The following TRABD2B variants were observed in gnomAD, a reference collection of about 807,000 sequenced individuals.
The protein encoded by TRABD2B is metalloprotease TIKI2.
In TRABD2B, 14 loss-of-function variants were observed where a neutral mutation model predicts 40.1. The ratio of observed to expected loss-of-function variants is 0.35; its 90% CI spans 0.23 to 0.55. TRABD2B has a LOEUF of 0.55. Among genes scored for constraint, TRABD2B ranks in the 20% least tolerant of loss-of-function variants. The pLI is 0.90. For synonymous variants in TRABD2B, 263 were observed against 277.0 expected, an observed-to-expected ratio of 0.95 and a Z score of 0.50; for missense variants, 541 against 648.6, an observed-to-expected ratio of 0.83 and a Z score of 1.80.
At chr1:47,888,667 C>T (rs969957162) in intron 2 of TRABD2B, among the ~76,000 whole-genome samples, 3 of 152,160 alleles carry the variant, frequency 2.0e-5, no homozygotes, top group African/African-American at 7.2e-5. Flanking sequence ...AATTCAACTG[C>T]CTTCCCCTAG....
chr1:47,918,592 T>C (rs1644860392), intron 2 of TRABD2B, among the ~76,000 whole-genome samples: 1 of 152,174 alleles, frequency 6.6e-6, no homozygotes, highest in Non-Finnish European at 1.5e-5. Flanking sequence ...CCTCCTTCTC[T>C]TCCTTTCCTC....
chr1:47,985,491 C>T (rs1645907300), intron 2 of TRABD2B, among the ~76,000 whole-genome samples: 1 of 152,212 alleles, frequency 6.6e-6, no homozygotes, highest in African/African-American at 2.4e-5. Context: ...CCCAAGGAAA[C>T]CACCTTGTCT....
intron 2 of TRABD2B, among the ~76,000 whole-genome samples, chr1:47,934,818 T>A (rs1045659970): frequency 3.9e-5 from 6 of 152,122 alleles, no homozygotes; most frequent in African/African-American, 1.4e-4. Flanking sequence ...GGAATTCCCA[T>A]CAGAGCCCCA....
At chr1:47,773,419 T>A (rs888509753) in intron 6 of TRABD2B, among the ~76,000 whole-genome samples, 4 of 152,272 alleles carry the variant, frequency 2.6e-5, no homozygotes, top group Non-Finnish European at 2.9e-5. Context: ...GGTTAGGCTG[T>A]GTCTCCACCC....
intron 2 of TRABD2B, among the ~76,000 whole-genome samples, chr1:47,933,250 C>A (rs1645063488): frequency 6.6e-6 from 1 of 151,864 alleles, no homozygotes; most frequent in South Asian, 2.1e-4. Flanking sequence ...GGACTATAGG[C>A]ACCCGCCACC....
At chr1:47,885,065 T>C (rs1487990690) in intron 2 of TRABD2B, among the ~76,000 whole-genome samples, 1 of 152,126 alleles carries the variant, frequency 6.6e-6, no homozygotes, top group African/African-American at 2.4e-5. Context: ...AAGGATATCA[T>C]GGACCTGGTC....
chr1:47,766,095 G>A lies in TRABD2B; in HGVS notation c.1361C>T (p.Ser454Leu). The change falls in exon 7 of 7, where the codon TCA becomes TTA. Residue 454 changes from serine (S) to leucine (L), a missense_variant. Around this residue, in one of 2 missense-constraint regions of TRABD2B, gnomAD observed 172 missense variants for 155.8 expected, o/e 1.10. Transcript: ENST00000606738. ...GGGCTGCAGGGGCAGCGGGGGTGGT[G>A]AGGCGGTGGTGCTGGAAAGGAGGAA... is the stretch of plus-strand genomic sequence containing the variant. Reference protein sequence around the residue: ...WVRIEDSTTASPPPLPLQPTH... With the variant: ...WVRIEDSTTALPPPLPLQPTH... 1.4e-6 allele frequency: 1 copy of A among 701,668 alleles called. No individual in the cohort carries two copies. The highest frequency in any genetic ancestry group is 2.6e-6 in the Non-Finnish European group (1 of 384,386). 43.5% of individuals were successfully genotyped at this position (701,668 alleles called of 1,614,324 possible). A position where few individuals can be genotyped will look rare whatever the true frequency, so the allele number is the denominator to read the frequency against.
At chr1:47,801,801 A>C (rs369437086) in intron 2 of TRABD2B, among the ~76,000 whole-genome samples, 182 bp from the exon 3 acceptor site, 1 of 152,258 alleles carries the variant, frequency 6.6e-6, no homozygotes, top group African/African-American at 2.4e-5. Flanking sequence ...CATGTCTCTG[A>C]GCACGTTCAG....
At chr1:47,768,676 C>G (rs575653559) in intron 6 of TRABD2B, among the ~76,000 whole-genome samples, 2 of 152,294 alleles carry the variant, frequency 1.3e-5, no homozygotes, top group East Asian at 3.9e-4. Flanking sequence ...GCATGGGTTT[C>G]TATATGTAAC....
In TRABD2B at chr1:47,761,392, T is replaced by C. The variant is rs1644242433; in HGVS notation, c.*4510A>G. 1 of 152,318 alleles carries C rather than the reference T, an allele frequency of 6.6e-6. No individual in the cohort carries two copies. The allele number at this position is 152,318 out of a possible 1,614,324, so 9.4% of individuals were successfully genotyped here. On this transcript the variant is annotated 3_prime_UTR_variant, in exon 7 of 7. Coordinates refer to ENST00000606738, the MANE Select transcript of TRABD2B (RefSeq NM_001194986.2). The stretch of plus-strand genomic sequence containing the variant: ...CTCTGGGCTGGGCTGCAGGCCTGGG[T>C]TCCAGTTCACTCCTCCTCCACCTTT...
intron 2 of TRABD2B, among the ~76,000 whole-genome samples, chr1:47,903,077 G>T (rs1644624466): frequency 6.6e-6 from 1 of 152,084 alleles, no homozygotes; most frequent in Non-Finnish European, 1.5e-5. Flanking sequence ...TGTTCCCAAG[G>T]CTGAGTGAGA....
At chr1:47,982,454 G>A (rs1403173606) in intron 2 of TRABD2B, among the ~76,000 whole-genome samples, 1 of 152,120 alleles carries the variant, frequency 6.6e-6, no homozygotes, top group African/African-American at 2.4e-5. Context: ...GGAAACAGAT[G>A]TTCAGCCATC....
At chr1:47,945,756 G>A (rs61773507) in intron 2 of TRABD2B, among the ~76,000 whole-genome samples, 14,617 of 152,164 alleles carry the variant, frequency 0.096, 992 homozygotes, top group Middle Eastern at 0.18. Context: ...TTTTGTTGCT[G>A]AGCAGTATTT....
chr1:47,933,623 T>C (rs1250740716), intron 2 of TRABD2B, among the ~76,000 whole-genome samples: 1 of 152,242 alleles, frequency 6.6e-6, no homozygotes, highest in African/African-American at 2.4e-5. Flanking sequence ...GAACCTTCTC[T>C]GACTCCCTCT....
At chr1:47,836,630 T>C (rs540664740) in intron 2 of TRABD2B, among the ~76,000 whole-genome samples, 2 of 152,362 alleles carry the variant, frequency 1.3e-5, no homozygotes, top group African/African-American at 4.8e-5. Flanking sequence ...GATGCCTTCA[T>C]AGACAGAATG....
intron 2 of TRABD2B, among the ~76,000 whole-genome samples, chr1:47,888,652 C>A (rs1644405439): frequency 6.6e-6 from 1 of 152,178 alleles, no homozygotes; most frequent in Non-Finnish European, 1.5e-5. Flanking sequence ...TCTTTCCAGG[C>A]ACACAATTCA....
At chr1:47,801,350 C>T (rs990932968) in intron 3 of TRABD2B, 123 bp downstream of exon 3, 3 of 1,057,748 alleles carry the variant, frequency 2.8e-6, no homozygotes, top group African/African-American at 3.2e-5. Context: ...AATTTCCCCA[C>T]CTATAAAAGG....
chr1:47,822,558 C>T (rs1557594084), intron 2 of TRABD2B, among the ~76,000 whole-genome samples: 1 of 141,662 alleles, frequency 7.1e-6, no homozygotes, highest in East Asian at 2.1e-4. Flanking sequence ...CTTGACCTCA[C>T]TGATGGCATT....
chr1:47,942,798 G>A (rs1645205335), intron 2 of TRABD2B, among the ~76,000 whole-genome samples: 1 of 152,144 alleles, frequency 6.6e-6, no homozygotes. Flanking sequence ...AACGGAAGCA[G>A]AGGAGGCTTA....
Sources: gnomAD v4.1 joint callset for allele counts (sites outside exome capture counted in the v4.1 genomes callset) on GRCh38, gnomAD v4.1.1 for gene constraint, gnomAD v4.1.1 regional missense constraint, MANE v1.5 for transcripts, NCBI Gene and HGNC (gene_info 2026-07-23, HGNC 2026-07-21) for gene names.